The following DOCK1 variants were observed in gnomAD, a reference collection of about 807,000 sequenced individuals.
DOCK1 encodes dedicator of cytokinesis protein 1.
In DOCK1, 138 loss-of-function variants were observed where a neutral mutation model predicts 262.7. That is an observed-to-expected ratio of 0.53 (90% CI 0.46 to 0.61). DOCK1 has a LOEUF of 0.61. Among genes scored for constraint, DOCK1 ranks in the 20% least tolerant of loss-of-function variants. The probability of loss-of-function intolerance (pLI) is 0.00; values close to 1 mark genes in which losing one functional copy is unlikely to be tolerated. For synonymous variants in DOCK1, 866 were observed against 867.4 expected (o/e 1.00, Z 0.03); for missense variants, 1,908 against 2,370.7 (o/e 0.80, Z 4.05).
chr10:127,041,217 C>T (rs2043992337), intron 19 of DOCK1, among the ~76,000 whole-genome samples: 1 of 152,198 alleles, frequency 6.6e-6, no homozygotes, highest in African/African-American at 2.4e-5. Flanking sequence ...CCTGCCTCAG[C>T]CTCCCAAGTA....
rs759630403 is a variant in DOCK1 at position 127,175,467 on chromosome 10, G to A, written c.2847+47703G>A. 1.1e-5 allele frequency: 17 copies of A among 1,610,002 alleles called. No individual in the cohort carries two copies. Among genetic ancestry groups the A allele is most frequent in the African/African-American group, 4.0e-5 (3 of 74,920 alleles). On this transcript the variant is annotated intron_variant, in intron 27 of 51. Transcript: ENST00000623213. The surrounding 1 kb of genome is among the most constrained non-coding windows in gnomAD (Gnocchi z 6.3). ...ACATTCGGGGGACAGGCACTGCATC[G>A]GGGGTGAGCAGGCCAGGGCAGTTTC...
In DOCK1 at chr10:127,437,710, C is replaced by T. The variant is rs140493866; in HGVS notation, c.5061-1317C>T. ...GCCAGGCTGGTCTCGAACTCCTGAG[C>T]TCAAATGATCCACCTGCCTTAGCCT... is the stretch of plus-strand genomic sequence containing the variant. On this transcript the variant is annotated intron_variant, in intron 48 of 51. Transcript: ENST00000623213. This position sits in a 1 kb window ranked among gnomAD's most constrained non-coding sequence, Gnocchi z 4.4. 0.017 allele frequency among the ~76,000 whole-genome samples: 2,606 copies of T among 152,252 alleles called. 66 individuals carry two copies. Among genetic ancestry groups the T allele is most frequent in the African/African-American group, 0.06 (2,492 of 41,522 alleles).
intron 21 of DOCK1, among the ~76,000 whole-genome samples, chr10:127,045,916 T>C (rs996619804): frequency 4.6e-5 from 7 of 152,228 alleles, no homozygotes; most frequent in Non-Finnish European, 1.0e-4. Flanking sequence ...AGGTATAAGA[T>C]GGCCTGGCAG....
At chr10:127,334,148 A>G (rs968531045) in intron 29 of DOCK1, among the ~76,000 whole-genome samples, 4 of 152,066 alleles carry the variant, frequency 2.6e-5, no homozygotes, top group Non-Finnish European at 5.9e-5. Flanking sequence ...ATGAATTAAC[A>G]TGTCTGTTCC....
intron 29 of DOCK1, among the ~76,000 whole-genome samples, chr10:127,299,789 G>A (rs568393337): frequency 6.6e-6 from 1 of 152,298 alleles, no homozygotes; most frequent in African/African-American, 2.4e-5. Flanking sequence ...GCTAGCCAGG[G>A]TATGATCAGC....
chr10:126,948,508 C>T (rs1391935515), intron 1 of DOCK1, among the ~76,000 whole-genome samples: 7 of 151,800 alleles, frequency 4.6e-5, no homozygotes, highest in African/African-American at 1.2e-4. Flanking sequence ...TAATACTGTC[C>T]AGCCGGGCCT....
intron 29 of DOCK1, among the ~76,000 whole-genome samples, chr10:127,269,165 C>T (rs140023586): frequency 3.2e-4 from 49 of 152,278 alleles, no homozygotes; most frequent in Admixed American, 9.2e-4. Context: ...AGTCAAGCCT[C>T]GCTGGAGTGT....
At chr10:126,948,512 C>A (rs960317776) in intron 1 of DOCK1, among the ~76,000 whole-genome samples, 13 of 151,710 alleles carry the variant, frequency 8.6e-5, no homozygotes, top group Non-Finnish European at 1.6e-4. Flanking sequence ...ACTGTCCAGC[C>A]GGGCCTTTTG....
intron 38 of DOCK1, among the ~76,000 whole-genome samples, chr10:127,400,199 C>G (rs2067140644): frequency 7.0e-6 from 1 of 143,548 alleles, no homozygotes; most frequent in East Asian, 2.0e-4. Context: ...AAAAAAAAAG[C>G]AGATGGTTTC....
chr10:127,104,166 G>A (rs1342313149), intron 23 of DOCK1, among the ~76,000 whole-genome samples: 1 of 152,106 alleles, frequency 6.6e-6, no homozygotes, highest in Non-Finnish European at 1.5e-5. Context: ...TGTGTATTCT[G>A]TGTACTAATC....
At chr10:126,994,497 T>C (rs188655515) in intron 6 of DOCK1, among the ~76,000 whole-genome samples, 577 of 152,248 alleles carry the variant, frequency 3.8e-3, no homozygotes, top group Middle Eastern at 0.027. Flanking sequence ...CCCTGGGTAC[T>C]TGAGATTAGG....
intron 23 of DOCK1, among the ~76,000 whole-genome samples, chr10:127,075,180 A>AAG (rs1039460442): frequency 4.7e-5 from 7 of 148,816 alleles, no homozygotes; most frequent in Non-Finnish European, 1.0e-4. Context: ...AAAAAAAAAA[A>AAG]AAAAAAAAAA....
chr10:127,448,904 C>T (rs1004435869), intron 51 of DOCK1, among the ~76,000 whole-genome samples: 10 of 151,346 alleles, frequency 6.6e-5, no homozygotes, highest in Non-Finnish European at 1.5e-4. Flanking sequence ...TCCACAAGGT[C>T]ATTACATCCC....
intron 29 of DOCK1, among the ~76,000 whole-genome samples, chr10:127,317,539 G>A (rs1438317668): frequency 6.6e-6 from 1 of 152,150 alleles, no homozygotes; most frequent in East Asian, 1.9e-4. Flanking sequence ...CTCACAGCGA[G>A]GTGGAGAGAA....
intron 9 of DOCK1, 100 bp from the exon 10 acceptor site, chr10:127,000,072 T>A: frequency 7.5e-7 from 1 of 1,335,854 alleles, no homozygotes; most frequent in East Asian, 2.3e-5. Context: ...TAAAAACTGG[T>A]CTGAGAAGAG....
intron 23 of DOCK1, 49 bp downstream of exon 23, chr10:127,061,825 C>A: frequency 7.0e-7 from 1 of 1,438,166 alleles, no homozygotes; most frequent in Non-Finnish European, 9.4e-7. Context: ...TTTTTTCTTT[C>A]ATTATCTCTT....
intron 29 of DOCK1, among the ~76,000 whole-genome samples, chr10:127,278,758 A>G (rs2060837684): frequency 6.6e-6 from 1 of 152,220 alleles, no homozygotes; most frequent in African/African-American, 2.4e-5. Flanking sequence ...TGTAATCACC[A>G]TTGTTAGCAA....
intron 32 of DOCK1, among the ~76,000 whole-genome samples, chr10:127,359,851 A>G (rs918685453): frequency 1.3e-5 from 2 of 152,218 alleles, no homozygotes; most frequent in African/African-American, 4.8e-5. Flanking sequence ...AAACTAAAGA[A>G]TTTGGTTTCC....
At chr10:127,161,923 C>T (rs77426221) in intron 27 of DOCK1, among the ~76,000 whole-genome samples, 3,400 of 152,274 alleles carry the variant, frequency 0.022, 122 homozygotes, top group African/African-American at 0.073. Flanking sequence ...ACCCCTGTTC[C>T]AGAGAAACTT....
Sources: allele counts gnomAD v4.1 joint callset (sites outside exome capture counted in the v4.1 genomes callset), GRCh38; gene constraint gnomAD v4.1.1; non-coding constraint Gnocchi (gnomAD v3.1); transcripts MANE v1.5; gene names NCBI Gene and HGNC (gene_info 2026-07-23, HGNC 2026-07-21).